SOX5: variants seen among roughly 807,000 people sequenced by gnomAD.
SOX5 encodes SRY-box transcription factor 5.
Under a neutral mutation model 92.0 loss-of-function variants are expected in SOX5, and 9 were observed. The observed-to-expected ratio is 0.10, with a 90% confidence interval of 0.06 to 0.17. The LOEUF (loss-of-function observed/expected upper bound fraction) is 0.17. Among genes scored for constraint, SOX5 ranks in the 10% least tolerant of loss-of-function variants. The probability of loss-of-function intolerance (pLI) is 1.00; values close to 1 mark genes in which losing one functional copy is unlikely to be tolerated. For synonymous variants in SOX5, 344 were observed against 336.3 expected (o/e 1.02, Z -0.25); for missense variants, 642 against 944.5 (o/e 0.68, Z 4.20).
intron 3 of SOX5, among the ~76,000 whole-genome samples, chr12:24,233,938 C>T (rs916288834): frequency 2.0e-5 from 3 of 152,124 alleles, no homozygotes; most frequent in Admixed American, 6.6e-5. Flanking sequence ...AAATAATAAA[C>T]GAAAGGCACA....
chr12:24,193,942 G>GA (rs1335641542), intron 4 of SOX5, among the ~76,000 whole-genome samples: 1 of 151,710 alleles, frequency 6.6e-6, no homozygotes, highest in Non-Finnish European at 1.5e-5. Context: ...GTCCTTGATT[G>GA]AAAAAAAATT....
At chr12:24,126,896 G>A (rs1035488407) in intron 4 of SOX5, among the ~76,000 whole-genome samples, 2 of 151,914 alleles carry the variant, frequency 1.3e-5, no homozygotes, top group Non-Finnish European at 2.9e-5. Context: ...CCCTTTCTTC[G>A]AACTTTTCAC....
At chr12:23,845,186 T>C (rs913057878) in intron 3 of SOX5, among the ~76,000 whole-genome samples, 4 of 152,220 alleles carry the variant, frequency 2.6e-5, no homozygotes, top group Non-Finnish European at 2.9e-5. Flanking sequence ...CTGCACATCA[T>C]TGTTTATTTG....
chr12:24,210,017 CAAAAAAAAAAAAAA>C (rs1173723179), intron 4 of SOX5, among the ~76,000 whole-genome samples: 940 of 62,830 alleles, frequency 0.015, 22 homozygotes, highest in African/African-American at 0.057. Context: ...GACTCCGTCT[CAAAAAAAAAAAAAA>C]AAAAAAAAAA....
intron 1 of SOX5, among the ~76,000 whole-genome samples, chr12:23,935,834 T>A (rs1327056698): frequency 1.3e-5 from 2 of 151,194 alleles, no homozygotes; most frequent in Non-Finnish European, 3.0e-5. Flanking sequence ...AAGAAATATC[T>A]GCCACTAAAA....
chr12:24,122,047 A>T (rs1948686418), intron 4 of SOX5, among the ~76,000 whole-genome samples: 1 of 152,140 alleles, frequency 6.6e-6, no homozygotes, highest in Non-Finnish European at 1.5e-5. Context: ...AACCACAAAC[A>T]TCTCAATTGA....
At chr12:24,149,074 T>A (rs913369915) in intron 4 of SOX5, among the ~76,000 whole-genome samples, 2 of 152,162 alleles carry the variant, frequency 1.3e-5, no homozygotes, top group African/African-American at 4.8e-5. Flanking sequence ...CATATGCTAA[T>A]ATTGATTCAA....
chr12:23,859,931 G>A (rs1156834208), intron 2 of SOX5, among the ~76,000 whole-genome samples: 1 of 152,160 alleles, frequency 6.6e-6, no homozygotes, highest in African/African-American at 2.4e-5. Context: ...TAAAGAAAAT[G>A]TGGCACAAAT....
intron 3 of SOX5, among the ~76,000 whole-genome samples, chr12:24,222,154 T>C (rs935080158): frequency 1.3e-5 from 2 of 152,172 alleles, no homozygotes; most frequent in Non-Finnish European, 1.5e-5. Flanking sequence ...ACAGCTCCTC[T>C]TTTCCCCCCC....
chr12:23,779,951 G>A (rs528849520), intron 3 of SOX5, among the ~76,000 whole-genome samples: 4 of 99,476 alleles, frequency 4.0e-5, no homozygotes, highest in Non-Finnish European at 8.1e-5. Flanking sequence ...GAGACACAGC[G>A]AGACTGTGTG....
Position 23,913,048 on chromosome 12 carries a change from G to A in SOX5, c.39-17024C>T, listed in dbSNP as rs12423293. ...AAAACTACAAAGCACACATTATCAC[G>A]TCCATTCTACTGATAGAAACTAGCT... On this transcript the variant is annotated intron_variant, in intron 1 of 14. Coordinates refer to ENST00000451604, the MANE Select transcript of SOX5 (RefSeq NM_006940.6). Among the ~76,000 whole-genome samples, 815 of 152,128 alleles carry A rather than the reference G, an allele frequency of 5.4e-3. 27 individuals carry two copies. The highest frequency in any genetic ancestry group is 0.048 in the Admixed American group (738 of 15,292).
At position 23,534,420 on chromosome 12, in the gene SOX5, G is replaced by C; in HGVS notation, c.2091C>G (p.Ser697Arg). The C allele has an allele frequency of 1.2e-6, 2 of 1,614,084 alleles. No homozygotes were observed. The highest frequency in any genetic ancestry group is 1.7e-6 in the Non-Finnish European group (2 of 1,180,018). ...TCCCAGGCTCTGGGCTGCTAGACAC[G>C]CTTGAGTGCTCCGAGGGCAGGTGAG... ...PSPHLPSEHS[S>R]VSSSPEPGMP... Residue 697 changes from serine (S) to arginine (R), a missense_variant, in exon 15 of 15, where the codon AGC becomes AGG. Transcript: ENST00000451604.
At chr12:24,032,795 A>G (rs575453026) in intron 4 of SOX5, among the ~76,000 whole-genome samples, 1 of 152,080 alleles carries the variant, frequency 6.6e-6, no homozygotes, top group African/African-American at 2.4e-5. Context: ...TCATTCTAAC[A>G]GTAGCAACTA....
intron 2 of SOX5, among the ~76,000 whole-genome samples, chr12:23,858,895 T>C (rs1325061534): frequency 1.3e-5 from 2 of 152,206 alleles, no homozygotes; most frequent in East Asian, 1.9e-4. Context: ...CTTATGCCTG[T>C]CTTTACTGCA....
chr12:23,818,245 A>G (rs1413267080), intron 3 of SOX5, among the ~76,000 whole-genome samples: 1 of 152,188 alleles, frequency 6.6e-6, no homozygotes, highest in East Asian at 1.9e-4. Context: ...GCTGGTATGT[A>G]GCCTACTACA....
At chr12:23,975,075 A>C (rs1948755477) in intron 4 of SOX5, among the ~76,000 whole-genome samples, 1 of 152,100 alleles carries the variant, frequency 6.6e-6, no homozygotes, top group Admixed American at 6.6e-5. Flanking sequence ...TACAAAAATA[A>C]TTTACAGTAT....
intron 4 of SOX5, among the ~76,000 whole-genome samples, chr12:24,070,218 C>T (rs1165871056): frequency 6.6e-6 from 1 of 152,084 alleles, no homozygotes. Flanking sequence ...CTGTCCCTTC[C>T]GCTCCCTCCC....
chr12:23,795,208 T>C (rs2095541050), intron 3 of SOX5, among the ~76,000 whole-genome samples: 1 of 151,916 alleles, frequency 6.6e-6, no homozygotes, highest in Non-Finnish European at 1.5e-5. Context: ...TAGGTGGCAC[T>C]GAAAATAAGA....
At chr12:24,542,440 T>A (rs1952222924) in intron 1 of SOX5, among the ~76,000 whole-genome samples, 1 of 152,210 alleles carries the variant, frequency 6.6e-6, no homozygotes, top group Non-Finnish European at 1.5e-5. Flanking sequence ...ATAGCACTTA[T>A]CACTATACAT....
Sources: gnomAD v4.1 joint callset for allele counts (sites outside exome capture counted in the v4.1 genomes callset) on GRCh38, gnomAD v4.1.1 for gene constraint, MANE v1.5 for transcripts, NCBI Gene and HGNC (gene_info 2026-07-23, HGNC 2026-07-21) for gene names.